Variants in ULK4 observed in about 807,000 individuals in gnomAD.
ULK4 encodes the protein inactive serine/threonine-protein kinase ULK4.
A neutral mutation model predicts 160.6 loss-of-function variants in ULK4; 133 were observed. That is an observed-to-expected ratio of 0.83 (90% CI 0.72 to 0.96). ULK4 has a LOEUF of 0.96. Among genes scored for constraint, ULK4 ranks in the 40% least tolerant of loss-of-function variants. The probability of loss-of-function intolerance (pLI) is 0.00; values close to 1 mark genes in which losing one functional copy is unlikely to be tolerated. For missense variants in ULK4, 1,580 were observed against 1,499.5 expected, an observed-to-expected ratio of 1.05 and a Z score of -0.89; for synonymous variants, 534 against 539.8, an observed-to-expected ratio of 0.99 and a Z score of 0.15.
chr3:41,811,170 A>G (rs1163289840), intron 19 of ULK4, among the ~76,000 whole-genome samples: 1 of 151,922 alleles, frequency 6.6e-6, no homozygotes, highest in Non-Finnish European at 1.5e-5. Flanking sequence ...TACAGGTATA[A>G]GCCACTGCAC....
intron 32 of ULK4, among the ~76,000 whole-genome samples, chr3:41,495,975 T>G (rs1038639985): frequency 6.6e-6 from 1 of 152,004 alleles, no homozygotes; most frequent in Non-Finnish European, 1.5e-5. Flanking sequence ...CCATAAAAGA[T>G]TTATAGATAA....
intron 20 of ULK4, among the ~76,000 whole-genome samples, chr3:41,794,660 C>CAAAAAAAAAAAAAAAAAAAAAAA (rs71075484): frequency 1.0e-3 from 19 of 18,986 alleles, no homozygotes; most frequent in Admixed American, 2.6e-3. Context: ...GACTCTGTCT[C>CAAAAAAAAAAAAAAAAAAAAAAA]AAAAAAAAAA....
chr3:41,576,610 A>C (rs1461814377), intron 31 of ULK4, among the ~76,000 whole-genome samples: 1 of 152,250 alleles, frequency 6.6e-6, no homozygotes, highest in Non-Finnish European at 1.5e-5. Flanking sequence ...AGCAATTGAT[A>C]AACATTTATT....
At chr3:41,765,506 T>C (rs1001998582) in intron 21 of ULK4, among the ~76,000 whole-genome samples, 1 of 152,058 alleles carries the variant, frequency 6.6e-6, no homozygotes, top group African/African-American at 2.4e-5. Context: ...TGTATACATA[T>C]GTAACAAACC....
intron 30 of ULK4, among the ~76,000 whole-genome samples, chr3:41,629,088 T>C (rs188372142): frequency 6.6e-6 from 1 of 152,308 alleles, no homozygotes; most frequent in Admixed American, 6.5e-5. Context: ...TTTTGCTGCA[T>C]AACTAGCTAC....
At chr3:41,540,809 G>A (rs2086669503) in intron 32 of ULK4, among the ~76,000 whole-genome samples, 1 of 152,134 alleles carries the variant, frequency 6.6e-6, no homozygotes, top group South Asian at 2.1e-4. Context: ...TTTTTCATAT[G>A]TTTGTTGGCT....
In ULK4 at chr3:41,639,823, C is replaced by A. The variant is rs187602924; in HGVS notation, c.3071+23784G>T. ...CATTTTTATACATTATTTAATAAAC[C>A]AGTAAAATTAAGATGTTAATCTGAT... is the stretch of plus-strand genomic sequence containing the variant. On this transcript the variant is annotated intron_variant, in intron 30 of 36. Transcript: ENST00000301831. 1.4e-4 allele frequency among the ~76,000 whole-genome samples: 21 copies of A among 152,162 alleles called. 1 individual carries two copies. In the East Asian group the frequency reaches 4.1e-3, roughly 29 times the overall value.
At chr3:41,549,711 A>T (rs1342515062) in intron 32 of ULK4, among the ~76,000 whole-genome samples, 2 of 152,114 alleles carry the variant, frequency 1.3e-5, no homozygotes, top group African/African-American at 4.8e-5. Context: ...AATCAGATAC[A>T]ACCCAAAAAG....
intron 21 of ULK4, among the ~76,000 whole-genome samples, chr3:41,770,822 C>A (rs2039331428): frequency 6.6e-6 from 1 of 152,124 alleles, no homozygotes. Flanking sequence ...CAGAATGATA[C>A]TTTCTGAATC....
At chr3:41,825,446 C>T (rs913630679) in intron 18 of ULK4, among the ~76,000 whole-genome samples, 1 of 152,116 alleles carries the variant, frequency 6.6e-6, no homozygotes. Context: ...ACCAGAATAA[C>T]CAATGCAGAG....
At chr3:41,275,592 A>G (rs1349567130) in intron 35 of ULK4, among the ~76,000 whole-genome samples, 1 of 152,206 alleles carries the variant, frequency 6.6e-6, no homozygotes, top group Admixed American at 6.5e-5. Flanking sequence ...ATCTGGCTTT[A>G]AGAGAATGGC....
At chr3:41,724,533 G>A (rs1370632423) in intron 22 of ULK4, among the ~76,000 whole-genome samples, 1 of 152,038 alleles carries the variant, frequency 6.6e-6, no homozygotes, top group Non-Finnish European at 1.5e-5. Context: ...GACCATCCTG[G>A]CTAACACAGT....
chr3:41,535,700 C>T (rs187652932), intron 32 of ULK4, among the ~76,000 whole-genome samples: 12 of 152,272 alleles, frequency 7.9e-5, no homozygotes, highest in African/African-American at 2.2e-4. Context: ...GGTTTGCAAA[C>T]GCACATAACA....
chr3:41,955,883 C>T (rs1700466322), intron 1 of ULK4: 1 of 151,990 alleles, frequency 6.6e-6, no homozygotes, highest in African/African-American at 2.4e-5. Context: ...AATGTGTCTC[C>T]ATCTTACTTT....
chr3:41,418,377 G>T (rs2125833765), intron 34 of ULK4, among the ~76,000 whole-genome samples: 2 of 145,458 alleles, frequency 1.4e-5, no homozygotes, highest in African/African-American at 2.6e-5. Context: ...TACACAGTTT[G>T]TCTGCAAGTT....
intron 21 of ULK4, among the ~76,000 whole-genome samples, chr3:41,768,827 CAAT>C (rs879908624): frequency 4.4e-4 from 67 of 152,144 alleles, no homozygotes; most frequent in Middle Eastern, 3.4e-3. Context: ...TTTCACACAG[CAAT>C]AGACATAATT....
intron 4 of ULK4, among the ~76,000 whole-genome samples, chr3:41,935,209 A>ATTTTTTTT (rs10524611): frequency 1.3e-4 from 17 of 135,592 alleles, no homozygotes; most frequent in East Asian, 4.3e-4. Context: ...TTATTTATTT[A>ATTTTTTTT]TTTTTTTTTT....
At chr3:41,517,678 T>G (rs923415958) in intron 32 of ULK4, among the ~76,000 whole-genome samples, 1 of 152,302 alleles carries the variant, frequency 6.6e-6, no homozygotes, top group Middle Eastern at 3.4e-3. Flanking sequence ...ACTAAAGCAC[T>G]CGCTGTTCTG....
intron 27 of ULK4, among the ~76,000 whole-genome samples, chr3:41,703,202 T>C (rs550741631): frequency 6.6e-6 from 1 of 150,686 alleles, no homozygotes; most frequent in South Asian, 2.1e-4. Flanking sequence ...GATGAACATA[T>C]ATTGAACACT....
Sources: allele counts gnomAD v4.1 joint callset (sites outside exome capture counted in the v4.1 genomes callset), GRCh38; gene constraint gnomAD v4.1.1; transcripts MANE v1.5; gene names NCBI Gene and HGNC (gene_info 2026-07-23, HGNC 2026-07-21).